MGMT: variants seen among roughly 807,000 people sequenced by gnomAD.
MGMT encodes methylated-DNA--protein-cysteine methyltransferase.
MGMT carries 14 observed loss-of-function variants against 15.9 expected under a neutral mutation model. That is an observed-to-expected ratio of 0.88 (90% CI 0.58 to 1.37). The LOEUF is 1.37. MGMT is among the 40% of genes most tolerant of loss of function. The pLI is 0.00. For missense variants in MGMT, 282 were observed against 268.1 expected (o/e 1.05, Z -0.36); for synonymous variants, 130 against 118.2 (o/e 1.10, Z -0.65).
At chr10:129,522,074 ACAGAACG>A (rs1400774697) in intron 1 of MGMT, among the ~76,000 whole-genome samples, 2 of 65,374 alleles carry the variant, frequency 3.1e-5, no homozygotes, top group African/African-American at 1.6e-4. Context: ...CCACAGAACC[ACAGAACG>A]TAATGGAGAA....
intron 1 of MGMT, among the ~76,000 whole-genome samples, chr10:129,495,393 G>A (rs1157316595): frequency 1.3e-5 from 2 of 152,180 alleles, no homozygotes; most frequent in African/African-American, 4.8e-5. Flanking sequence ...GTAATTAGGT[G>A]TTTGGTTTTA....
At position 129,543,574 on chromosome 10, in the gene MGMT, T is replaced by C. The variant is rs895615414; in HGVS notation, c.125+7197T>C. 1.3e-3 allele frequency among the ~76,000 whole-genome samples: 194 copies of C among 152,204 alleles called. 3 individuals carry two copies. Among genetic ancestry groups the C allele is most frequent in the Non-Finnish European group, 4.4e-4 (30 of 68,026 alleles). ...TTCGGTGCTCTTGATGTTTTCTCCC[T>C]GCAGCTGGTTCTTTGCTGACCTGGG... On this transcript the variant is annotated intron_variant, in intron 2 of 4. Coordinates refer to ENST00000651593, the MANE Select transcript of MGMT (RefSeq NM_002412.5).
Position 129,767,879 on chromosome 10 carries a change from T to C in MGMT, c.*882T>C, listed in dbSNP as rs1352904672. ...GTGGGGGGCCAGCTCATGTCACTGA[T>C]GGCAGCAGGCAGGGTTTCCAGCATG... On this transcript the variant is annotated 3_prime_UTR_variant, in exon 5 of 5. Coordinates refer to ENST00000651593, the MANE Select transcript of MGMT (RefSeq NM_002412.5). The C allele has an allele frequency of 6.6e-6, 1 of 152,322 alleles. No individual in the cohort carries two copies. The highest frequency in any genetic ancestry group is 1.9e-4 in the East Asian group (1 of 5,202). The allele number at this position is 152,322 out of a possible 1,614,324, so 9.4% of individuals were successfully genotyped here. A position where few individuals can be genotyped will look rare whatever the true frequency, so the allele number is the denominator to read the frequency against.
intron 2 of MGMT, among the ~76,000 whole-genome samples, chr10:129,561,363 A>G (rs1846276684): frequency 6.6e-6 from 1 of 152,082 alleles, no homozygotes; most frequent in Non-Finnish European, 1.5e-5. Context: ...AGGAGCCTCC[A>G]CACCCCAGCA....
At chr10:129,618,126 A>C (rs182694867) in intron 2 of MGMT, among the ~76,000 whole-genome samples, 36 of 152,238 alleles carry the variant, frequency 2.4e-4, no homozygotes, top group Non-Finnish European at 3.5e-4. Context: ...ATGGAAAAGG[A>C]AAAGAAACTA....
intron 2 of MGMT, among the ~76,000 whole-genome samples, chr10:129,618,883 C>T (rs1348497648): frequency 6.9e-6 from 1 of 144,432 alleles, no homozygotes; most frequent in South Asian, 2.3e-4. Context: ...TTCTAGTTGC[C>T]CAAGGATTCT....
At chr10:129,657,604 G>A (rs1847539126) in intron 2 of MGMT, among the ~76,000 whole-genome samples, 1 of 150,216 alleles carries the variant, frequency 6.7e-6, no homozygotes, top group Non-Finnish European at 1.5e-5. Context: ...GGTGACTGCT[G>A]AAGAAATGGC....
intron 3 of MGMT, among the ~76,000 whole-genome samples, chr10:129,712,649 TG>T: frequency 6.6e-6 from 1 of 152,294 alleles, no homozygotes; most frequent in Middle Eastern, 3.4e-3. Flanking sequence ...CCCTCTTTGC[TG>T]GTGCTTCTAG....
chr10:129,751,801 A>G (rs572846625), intron 3 of MGMT, among the ~76,000 whole-genome samples: 12 of 151,976 alleles, frequency 7.9e-5, no homozygotes, highest in Admixed American at 5.9e-4. Context: ...TTACTGTTCA[A>G]ATGTTTGGAG....
At chr10:129,585,870 A>G (rs1051496272) in intron 2 of MGMT, among the ~76,000 whole-genome samples, 2 of 152,160 alleles carry the variant, frequency 1.3e-5, no homozygotes, top group African/African-American at 4.8e-5. Flanking sequence ...TGGAACCATT[A>G]TAACAACATG....
At chr10:129,609,700 C>T (rs900374823) in intron 2 of MGMT, among the ~76,000 whole-genome samples, 1 of 152,168 alleles carries the variant, frequency 6.6e-6, no homozygotes, top group Non-Finnish European at 1.5e-5. Context: ...CTTCTTTGCT[C>T]AGAGCTCTCT....
At chr10:129,733,677 T>G (rs1327759033) in intron 3 of MGMT, among the ~76,000 whole-genome samples, 16 of 152,136 alleles carry the variant, frequency 1.1e-4, no homozygotes, top group East Asian at 3.9e-4. Flanking sequence ...TTCTTCTAGG[T>G]TTTTTATGGT....
intron 1 of MGMT, among the ~76,000 whole-genome samples, chr10:129,507,741 A>T (rs1845640393): frequency 6.6e-6 from 1 of 152,112 alleles, no homozygotes; most frequent in African/African-American, 2.4e-5. Flanking sequence ...CTCACACTGT[A>T]TTTCTTCGCG....
intron 2 of MGMT, among the ~76,000 whole-genome samples, chr10:129,590,745 A>G (rs577085007): frequency 6.6e-6 from 1 of 152,198 alleles, no homozygotes; most frequent in African/African-American, 2.4e-5. Flanking sequence ...GGGATTCACA[A>G]TCCACAGTTT....
intron 1 of MGMT, among the ~76,000 whole-genome samples, chr10:129,498,193 T>C (rs1845542045): frequency 6.6e-6 from 1 of 152,254 alleles, no homozygotes; most frequent in African/African-American, 2.4e-5. Flanking sequence ...TGGGCCATCC[T>C]GTCCTGGGGA....
At chr10:129,746,222 G>T (rs572743488) in intron 3 of MGMT, among the ~76,000 whole-genome samples, 7 of 135,774 alleles carry the variant, frequency 5.2e-5, no homozygotes, top group Non-Finnish European at 7.6e-5. Flanking sequence ...CTAGGGGACA[G>T]AGCGAGACTC....
At chr10:129,598,901 TA>T (rs1846784750) in intron 2 of MGMT, among the ~76,000 whole-genome samples, 1 of 152,210 alleles carries the variant, frequency 6.6e-6, no homozygotes, top group Non-Finnish European at 1.5e-5. Flanking sequence ...ACATCATTTT[TA>T]AAGAGTCCTT....
chr10:129,551,906 G>C (rs1332449469), intron 2 of MGMT, among the ~76,000 whole-genome samples: 1 of 152,186 alleles, frequency 6.6e-6, no homozygotes, highest in African/African-American at 2.4e-5. Flanking sequence ...ACCACGCTGA[G>C]TACCAAAGGC....
chr10:129,706,393 C>T (rs1315034062), intron 2 of MGMT, among the ~76,000 whole-genome samples: 6 of 152,130 alleles, frequency 3.9e-5, no homozygotes, highest in Admixed American at 1.3e-4. Context: ...ATGGGTGTGT[C>T]GAGGAGAAAC....
Sources: allele counts gnomAD v4.1 joint callset (sites outside exome capture counted in the v4.1 genomes callset), GRCh38; gene constraint gnomAD v4.1.1; transcripts MANE v1.5; gene names NCBI Gene and HGNC (gene_info 2026-07-23, HGNC 2026-07-21).